Variants in GEMIN5 observed in about 807,000 individuals in gnomAD.
GEMIN5 encodes the protein gem nuclear organelle associated protein 5.
A neutral mutation model predicts 176.9 loss-of-function variants in GEMIN5; 124 were observed. The observed-to-expected ratio is 0.70, with a 90% CI of 0.61 to 0.81. The LOEUF (loss-of-function observed/expected upper bound fraction) is 0.81, where lower values mean the gene tolerates loss of function less well. Among genes scored for constraint, GEMIN5 ranks in the 40% least tolerant of loss-of-function variants. The probability of loss-of-function intolerance (pLI) is 0.00; values close to 1 mark genes in which losing one functional copy is unlikely to be tolerated. For missense variants in GEMIN5, 1,843 were observed against 1,814.6 expected (o/e 1.02, Z -0.28); for synonymous variants, 673 against 665.2 (o/e 1.01, Z -0.18).
At chr5:154,937,891 G>A (rs118134227) in intron 1 of GEMIN5, 77 bp downstream of exon 1, 117 of 1,288,366 alleles carry the variant, frequency 9.1e-5, no homozygotes, top group Non-Finnish European at 1.1e-4. Flanking sequence ...GTAGAAAACG[G>A]GGTGGAGTCG....
chr5:154,932,327 G>T, intron 3 of GEMIN5, 77 bp from the exon 4 acceptor site: 1 of 1,027,232 alleles, frequency 9.7e-7, no homozygotes, highest in Non-Finnish European at 1.5e-6. Flanking sequence ...TTGGCTTGGA[G>T]TTACCATTGG....
intron 6 of GEMIN5, among the ~76,000 whole-genome samples, chr5:154,928,069 T>C (rs1764083035): frequency 6.6e-6 from 1 of 152,208 alleles, no homozygotes; most frequent in Non-Finnish European, 1.5e-5. Context: ...TTATATACTT[T>C]CGTTCTTCTT....
At chr5:154,901,615 G>A in intron 20 of GEMIN5, 129 bp from the exon 21 acceptor site, 1 of 704,494 alleles carries the variant, frequency 1.4e-6, no homozygotes, top group Non-Finnish European at 2.4e-6. Flanking sequence ...TACCAATTCA[G>A]CTGCCATTAT....
chr5:154,919,370 A>T (rs1763875324), intron 11 of GEMIN5, among the ~76,000 whole-genome samples: 1 of 152,198 alleles, frequency 6.6e-6, no homozygotes. Context: ...AAATCTCAAC[A>T]TTTAAGGTAT....
chr5:154,889,209 T>C (rs1004740284), intron 27 of GEMIN5, 112 bp downstream of exon 27: 5 of 622,002 alleles, frequency 8.0e-6, no homozygotes, highest in Admixed American at 6.5e-5. Context: ...TATGAATGGG[T>C]AGAGATTTTA....
At chr5:154,902,175 G>A (rs760903534) in intron 20 of GEMIN5, among the ~76,000 whole-genome samples, 1 of 151,972 alleles carries the variant, frequency 6.6e-6, no homozygotes, top group Non-Finnish European at 1.5e-5. Context: ...GCTATTCACA[G>A]GCACAATTAA....
Position 154,933,993 on chromosome 5 carries a change from A to T in GEMIN5, c.510-1743T>A, listed in dbSNP as rs1764215291. On this transcript the variant is annotated intron_variant, in intron 3 of 27. Coordinates refer to ENST00000285873, the MANE Select transcript of GEMIN5 (RefSeq NM_015465.5). ...CATACATCCCCCTACCCAATGCAGC[A>T]CAGATTTCATGATCCATCACTATCA... Among the ~76,000 whole-genome samples, 2 of 151,686 alleles carry T rather than the reference A, an allele frequency of 1.3e-5. 1 individual carries two copies. The highest frequency in any genetic ancestry group is 4.2e-4 in the South Asian group (2 of 4,814).
chr5:154,904,366 G>A (rs940511305), intron 18 of GEMIN5, 141 bp downstream of exon 18: 3 of 704,786 alleles, frequency 4.3e-6, no homozygotes, highest in African/African-American at 1.8e-5. Flanking sequence ...GGGATGTGGA[G>A]GGAAGGGAGA....
Position 154,911,881 on chromosome 5 carries a change from C to A in GEMIN5, c.2013G>T (p.Arg671=), listed in dbSNP as rs769967149. 163 of 1,613,916 alleles carry A rather than the reference C, an allele frequency of 1.0e-4. 1 individual carries two copies. The East Asian group carries it at 3.3e-3, about 33-fold the overall frequency. ...DGTAQVWDAL[R]EEPLCNFRGH... Reference sequence around the variant, plus strand: ...CTCGGAAATTGCACAGGGGCTCTTCCCGGAGAGCATCCCACACCTAAACCC... The same window carrying A: ...CTCGGAAATTGCACAGGGGCTCTTCACGGAGAGCATCCCACACCTAAACCC... Residue 671 remains arginine, a synonymous_variant, in exon 15 of 28, where the codon CGG becomes CGT. Transcript: ENST00000285873.
rs1310191123 is a variant in GEMIN5 at position 154,928,665 on chromosome 5, G to A, written c.782-6C>T. ...CAATTTCAAAATCATCACCCCTGCA[G>A]ATTAAAAAGAAGGCCAGTGGGCACT... On this transcript the variant is annotated splice_region_variant and splice_polypyrimidine_tract_variant and intron_variant, in intron 5 of 27. Transcript: ENST00000285873. 6 of 1,613,800 alleles carry A rather than the reference G, an allele frequency of 3.7e-6. No individual in the cohort carries two copies. In the African/African-American group the frequency reaches 5.3e-5, roughly 14 times the overall value.
intron 13 of GEMIN5, among the ~76,000 whole-genome samples, chr5:154,916,369 A>G (rs910085691): frequency 2.0e-5 from 3 of 152,234 alleles, no homozygotes; most frequent in African/African-American, 7.2e-5. Flanking sequence ...GTGCAAACCT[A>G]TTAATATATA....
At chr5:154,928,803 T>C (rs1457075772) in intron 5 of GEMIN5, 144 bp from the exon 6 acceptor site, 1 of 672,744 alleles carries the variant, frequency 1.5e-6, no homozygotes, top group Non-Finnish European at 2.6e-6. Flanking sequence ...TTCCAATGGT[T>C]ACAATTTTAA....
chr5:154,937,177 C>T lies in GEMIN5; in HGVS notation c.175G>A (p.Glu59Lys). 1 of 1,602,736 alleles carries T rather than the reference C, an allele frequency of 6.2e-7. No homozygotes were observed. The highest frequency in any genetic ancestry group is 8.5e-7 in the Non-Finnish European group (1 of 1,173,072). ...PGTPPFRVIG[E>K]LVGHTERVSG... ...ACCCTTTCGGTGTGTCCCACCAACTCTCCTATGACTTTAAGCAAAACCAGA... is the reference window on the plus strand; with the variant it reads ...ACCCTTTCGGTGTGTCCCACCAACTTTCCTATGACTTTAAGCAAAACCAGA... The change falls in exon 2 of 28, where the codon GAG becomes AAG. Residue 59 changes from glutamate to lysine, a missense_variant. Transcript: ENST00000285873.
chr5:154,923,391 A>AT (rs1763966894), intron 9 of GEMIN5, among the ~76,000 whole-genome samples: 1 of 152,174 alleles, frequency 6.6e-6, no homozygotes, highest in African/African-American at 2.4e-5. Flanking sequence ...CAAAAAAAAA[A>AT]GGACAGCTCT....
intron 16 of GEMIN5, among the ~76,000 whole-genome samples, chr5:154,907,013 T>G (rs1456699334): frequency 6.6e-6 from 1 of 152,236 alleles, no homozygotes; most frequent in Non-Finnish European, 1.5e-5. Flanking sequence ...GCTAAAATTT[T>G]TACCTAACAG....
At chr5:154,920,962 T>C (rs535230283) in intron 10 of GEMIN5, among the ~76,000 whole-genome samples, 1 of 152,318 alleles carries the variant, frequency 6.6e-6, no homozygotes, top group Non-Finnish European at 1.5e-5. Context: ...TGGGTGAAAA[T>C]AGATATTATT....
intron 9 of GEMIN5, among the ~76,000 whole-genome samples, chr5:154,922,622 A>T (rs1763946999): frequency 6.6e-6 from 1 of 152,140 alleles, no homozygotes; most frequent in Non-Finnish European, 1.5e-5. Context: ...TAGAATTAGC[A>T]ATTTCATGGT....
At position 154,906,897 on chromosome 5, in the gene GEMIN5, C is replaced by A. The variant is rs375537408; in HGVS notation, c.2395+694G>T. Among the ~76,000 whole-genome samples the A allele has an allele frequency of 2.0e-5, 3 of 152,194 alleles. No individual in the cohort carries two copies. In the East Asian group the frequency reaches 5.8e-4, roughly 29 times the overall value. On this transcript the variant is annotated intron_variant, in intron 16 of 27. Transcript: ENST00000285873. ...GTATGAGTTACTGCTTCTACTTACA[C>A]TGTTTGCTATTTAATCGTTTATTTT...
intron 26 of GEMIN5, among the ~76,000 whole-genome samples, chr5:154,890,105 T>C (rs1360925915): frequency 2.0e-5 from 3 of 152,238 alleles, no homozygotes; most frequent in Non-Finnish European, 4.4e-5. Context: ...AGGGTTCCAA[T>C]GTCTCTGCAT....
Sources: allele counts gnomAD v4.1 joint callset (sites outside exome capture counted in the v4.1 genomes callset), GRCh38; gene constraint gnomAD v4.1.1; transcripts MANE v1.5; gene names NCBI Gene and HGNC (gene_info 2026-07-23, HGNC 2026-07-21).